The following IGF2R variants were observed in gnomAD, a reference collection of about 807,000 sequenced individuals.
The protein encoded by IGF2R is cation-independent mannose-6-phosphate receptor.
In IGF2R, 91 loss-of-function variants were observed where a neutral mutation model predicts 270.6. That is an observed-to-expected ratio of 0.34 (90% CI 0.28 to 0.40). The LOEUF is 0.40. IGF2R is among the 10% of genes least tolerant of loss of function. IGF2R has a pLI of 1.00. For missense variants in IGF2R, 2,805 were observed against 3,188.3 expected, an observed-to-expected ratio of 0.88 and a Z score of 2.90; for synonymous variants, 1,316 against 1,258.9, an observed-to-expected ratio of 1.05 and a Z score of -0.96.
At chr6:159,996,559 G>A (rs954085139) in intron 2 of IGF2R, among the ~76,000 whole-genome samples, 2 of 152,222 alleles carry the variant, frequency 1.3e-5, no homozygotes, top group African/African-American at 4.8e-5. Context: ...AAGGTGCCAA[G>A]GTGTCTGCGG....
At position 160,084,083 on chromosome 6, in the gene IGF2R, A is replaced by G; in HGVS notation, c.5967A>G (p.Pro1989=). The change falls in exon 40 of 48, where the codon CCA becomes CCG. Residue 1989 remains proline, a synonymous_variant. Transcript: ENST00000356956. This position sits in a 1 kb window ranked among gnomAD's most constrained non-coding sequence, Gnocchi z 4.6. ...FEWKTKVVCP[P]KKLECKFVQK... The stretch of plus-strand genomic sequence containing the variant: ...GGAAAACAAAAGTTGTCTGCCCTCC[A>G]AAGAAGTTGGAGTGCAAATTCGTCC... 1.2e-6 allele frequency: 2 copies of G among 1,614,152 alleles called. No individual in the cohort carries two copies. Among genetic ancestry groups the G allele is most frequent in the Non-Finnish European group, 1.7e-6 (2 of 1,180,000 alleles).
At chr6:160,009,396 C>G (rs1314757816) in intron 3 of IGF2R, among the ~76,000 whole-genome samples, 1 of 152,190 alleles carries the variant, frequency 6.6e-6, no homozygotes, top group Non-Finnish European at 1.5e-5. Flanking sequence ...AATCAGTGCA[C>G]TGTTTAATGT....
chr6:160,008,774 C>T (rs371713638), intron 2 of IGF2R, among the ~76,000 whole-genome samples: 29 of 151,812 alleles, frequency 1.9e-4, no homozygotes, highest in East Asian at 9.7e-4. Context: ...TTGAGATGGG[C>T]GTATAGCTGT....
chr6:160,051,146 C>T (rs1583280485), intron 19 of IGF2R, among the ~76,000 whole-genome samples: 1 of 152,062 alleles, frequency 6.6e-6, no homozygotes, highest in Non-Finnish European at 1.5e-5. Context: ...ACCCAGTAGC[C>T]TAATGCAACA....
rs866720932 is a variant in IGF2R, at chr6:160,030,949, C to G, written c.882+1294C>G. ...AGCAATCCTCCCACTTCAAGCAATC[C>G]TCCCACTTCAGCCTTCTGAGTAGCT... On this transcript the variant is annotated intron_variant, in intron 7 of 47. Transcript: ENST00000356956. 2.0e-5 allele frequency among the ~76,000 whole-genome samples: 3 copies of G among 152,188 alleles called. No homozygotes were observed. In the South Asian group the frequency reaches 6.2e-4, roughly 32 times the overall value.
At chr6:160,022,013 A>AAC (rs58646750) in intron 4 of IGF2R, among the ~76,000 whole-genome samples, 1,872 of 142,822 alleles carry the variant, frequency 0.013, 19 homozygotes, top group Middle Eastern at 0.037. Flanking sequence ...CTAGGTAAAG[A>AAC]ACACACACAC....
In IGF2R at chr6:160,024,707, A is replaced by G. The variant is rs771024206; in HGVS notation, c.646+3A>G. On this transcript the variant is annotated splice_donor_region_variant and intron_variant, in intron 5 of 47. Transcript: ENST00000356956. ...CATCAATGTTTGTAGAGACATAGGTATGAATCTTTGTGGGGCTGAGGGGGT... is the reference window on the plus strand; with the variant it reads ...CATCAATGTTTGTAGAGACATAGGTGTGAATCTTTGTGGGGCTGAGGGGGT... The G allele has an allele frequency of 3.7e-6, 6 of 1,613,874 alleles. No individual in the cohort carries two copies. The highest frequency in any genetic ancestry group is 5.1e-6 in the Non-Finnish European group (6 of 1,179,900).
At chr6:160,093,920 T>C (rs892403037) in intron 44 of IGF2R, 1 of 712,884 alleles carries the variant, frequency 1.4e-6, no homozygotes, top group Non-Finnish European at 2.7e-6. Context: ...CAGTGCCATA[T>C]CTTTATCACA....
In IGF2R at chr6:160,048,408, C is replaced by A. The variant is rs1348760257; in HGVS notation, c.2379C>A (p.Asn793Lys). 8.1e-6 allele frequency: 13 copies of A among 1,614,208 alleles called. No homozygotes were observed. The highest frequency in any genetic ancestry group is 1.1e-5 in the Non-Finnish European group (13 of 1,180,030). The change falls in exon 18 of 48, where the codon AAC (asparagine) becomes AAA (lysine). Residue 793 changes from asparagine to lysine, a missense_variant. Around this residue, in one of 2 missense-constraint regions of IGF2R, gnomAD observed 1,851 missense variants for 2,207.2 expected, o/e 0.84. Transcript: ENST00000356956. ...AATCTGAAGGTGGCCTTGGAGGAAA[C>A]TGGTATGCCATGGACAACTCAGGGG... ...LAKSEGGLGG[N>K]WYAMDNSGEH...
intron 2 of IGF2R, among the ~76,000 whole-genome samples, chr6:159,993,696 A>G (rs747563430): frequency 2.5e-4 from 38 of 152,122 alleles, no homozygotes; most frequent in Non-Finnish European, 3.5e-4. Context: ...TGCTTTTGCT[A>G]TTCAGGCTTT....
chr6:160,097,479 G>A (rs1478877181), intron 45 of IGF2R, among the ~76,000 whole-genome samples: 25 of 152,152 alleles, frequency 1.6e-4, no homozygotes, highest in Admixed American at 1.6e-3. Context: ...GCAGGCATGT[G>A]TCATTATGCC....
intron 19 of IGF2R, among the ~76,000 whole-genome samples, chr6:160,053,028 A>T (rs1583281402): frequency 6.6e-6 from 1 of 152,264 alleles, no homozygotes; most frequent in East Asian, 1.9e-4. Flanking sequence ...ATGGGCAAGG[A>T]CTTCATGACT....
chr6:160,084,840 T>A lies in IGF2R; in HGVS notation c.6069-155T>A, dbSNP rs1322678236. 6.6e-6 allele frequency among the ~76,000 whole-genome samples: 1 copy of A among 151,930 alleles called. No homozygotes were observed. The highest frequency in any genetic ancestry group is 1.5e-5 in the Non-Finnish European group (1 of 67,980). On this transcript the variant is annotated intron_variant, in intron 40 of 47. Coordinates refer to ENST00000356956, the MANE Select transcript of IGF2R (RefSeq NM_000876.4). This position sits in a 1 kb window ranked among gnomAD's most constrained non-coding sequence, Gnocchi z 4.6. ...AGACTTCTTTTGCCCTTTTTTTTTTTAATTGGAAAAGCTATTTTAGTGCTA... is the reference window on the plus strand; with the variant it reads ...AGACTTCTTTTGCCCTTTTTTTTTTAAATTGGAAAAGCTATTTTAGTGCTA...
chr6:160,087,305 A>G (rs916426552), intron 41 of IGF2R, among the ~76,000 whole-genome samples: 1 of 152,120 alleles, frequency 6.6e-6, no homozygotes, highest in African/African-American at 2.4e-5. Context: ...TATGATAGAG[A>G]GAGTTTACAC....
intron 4 of IGF2R, among the ~76,000 whole-genome samples, chr6:160,022,415 C>T (rs1562346548): frequency 6.6e-6 from 1 of 152,234 alleles, no homozygotes; most frequent in South Asian, 2.1e-4. Flanking sequence ...AAAGAGGCAC[C>T]CCCTTAAAGC....
intron 13 of IGF2R, 84 bp downstream of exon 13, chr6:160,044,741 C>T: frequency 1.9e-6 from 2 of 1,068,290 alleles, no homozygotes; most frequent in Non-Finnish European, 2.7e-6. Flanking sequence ...TCATCAGTCA[C>T]TGCAAAGCTG....
At position 160,105,905 on chromosome 6, in the gene IGF2R, T is replaced by TTGTGTGTGTGTG. The variant is rs68155905; in HGVS notation, c.*844_*855dup. Reference sequence around the variant, plus strand: ...CCTGCCCAAAGATTGATTTGTGTGTTTGTGTGTGTGTGTGTGTGTGTGTGT... The same window carrying TTGTGTGTGTGTG: ...CCTGCCCAAAGATTGATTTGTGTGTTTGTGTGTGTGTGTGTGTGTGTGTGTGTGTGTGTGTGT... On this transcript the variant is annotated 3_prime_UTR_variant, in exon 48 of 48. Transcript: ENST00000356956. The TTGTGTGTGTGTG allele has an allele frequency of 6.9e-6, 1 of 145,884 alleles. No homozygotes were observed. The highest frequency in any genetic ancestry group is 2.6e-5 in the African/African-American group (1 of 38,702). 9.0% of individuals were successfully genotyped at this position (145,884 alleles called of 1,614,324 possible).
At chr6:160,093,991 C>T (rs1247368897) in intron 44 of IGF2R, 6 of 660,582 alleles carry the variant, frequency 9.1e-6, no homozygotes, top group African/African-American at 1.8e-5. Flanking sequence ...CTGATTTCTT[C>T]ACTAAAGGAC....
At position 160,105,025 on chromosome 6, in the gene IGF2R, A is replaced by C. The variant is rs1779583305; in HGVS notation, c.7417A>C (p.Ser2473Arg). 1 of 1,612,130 alleles carries C rather than the reference A, an allele frequency of 6.2e-7. No individual in the cohort carries two copies. The highest frequency in any genetic ancestry group is 8.5e-7 in the Non-Finnish European group (1 of 1,179,100). The change falls in exon 48 of 48, where the codon AGC (serine) becomes CGC (arginine). Residue 2473 changes from serine (S) to arginine (R), a missense_variant. Transcript: ENST00000356956. Reference sequence around the variant, plus strand: ...CAGCTCTGCACAGCAGAAGACAGTGAGCTCCACCAAGCTGGTGTCCTTCCA... The same window carrying C: ...CAGCTCTGCACAGCAGAAGACAGTGCGCTCCACCAAGCTGGTGTCCTTCCA... ...KSSSAQQKTV[S>R]STKLVSFHDD...
Sources: gnomAD v4.1 joint callset for allele counts (sites outside exome capture counted in the v4.1 genomes callset) on GRCh38, gnomAD v4.1.1 for gene constraint, gnomAD v4.1.1 regional missense constraint, Gnocchi (gnomAD v3.1) non-coding constraint, MANE v1.5 for transcripts, NCBI Gene and HGNC (gene_info 2026-07-23, HGNC 2026-07-21) for gene names.